The following KCNK13 variants were observed in gnomAD, a reference collection of about 807,000 sequenced individuals.
The protein encoded by KCNK13 is potassium two pore domain channel subfamily K member 13.
A neutral mutation model predicts 23.4 loss-of-function variants in KCNK13; 12 were observed. The ratio of observed to expected loss-of-function variants is 0.51; its 90% CI spans 0.33 to 0.83. KCNK13 has a LOEUF of 0.83. Ranked by LOEUF, KCNK13 falls within the 40% of genes least tolerant of loss-of-function variation. The pLI is 0.02. For missense variants in KCNK13, 463 were observed against 556.3 expected, an observed-to-expected ratio of 0.83 and a Z score of 1.69; for synonymous variants, 231 against 229.5, an observed-to-expected ratio of 1.01 and a Z score of -0.06.
intron 1 of KCNK13, among the ~76,000 whole-genome samples, chr14:90,129,545 C>T (rs1889842817): frequency 6.6e-6 from 1 of 152,088 alleles, no homozygotes; most frequent in Admixed American, 6.5e-5. Flanking sequence ...GAACCACGGT[C>T]TAAGGTCTAG....
At chr14:90,088,475 C>G (rs79373095) in intron 1 of KCNK13, among the ~76,000 whole-genome samples, 28,650 of 152,170 alleles carry the variant, frequency 0.19, 2,748 homozygotes, top group Middle Eastern at 0.24. Flanking sequence ...TGTGCACAGT[C>G]AGCTCTCAGG....
intron 1 of KCNK13, among the ~76,000 whole-genome samples, chr14:90,149,840 CA>C (rs1438949065): frequency 6.6e-6 from 1 of 152,154 alleles, no homozygotes; most frequent in Non-Finnish European, 1.5e-5. Context: ...TGGGAGAGGG[CA>C]AAAGATGATT....
chr14:90,093,218 T>C (rs1889369929), intron 1 of KCNK13, among the ~76,000 whole-genome samples: 1 of 152,172 alleles, frequency 6.6e-6, no homozygotes, highest in Non-Finnish European at 1.5e-5. Flanking sequence ...GCAGATCCGC[T>C]TGGCTCCAGG....
chr14:90,116,753 G>T (rs1035979619), intron 1 of KCNK13, among the ~76,000 whole-genome samples: 1 of 152,212 alleles, frequency 6.6e-6, no homozygotes, highest in African/African-American at 2.4e-5. Context: ...TGTCACAACT[G>T]CTCAGGAAAT....
intron 1 of KCNK13, among the ~76,000 whole-genome samples, chr14:90,079,249 A>T (rs888658602): frequency 1.3e-5 from 2 of 152,202 alleles, no homozygotes; most frequent in Non-Finnish European, 2.9e-5. Flanking sequence ...TCTAAGAAAC[A>T]GACTCTGGGC....
chr14:90,134,538 G>GAC (rs144795399), intron 1 of KCNK13, among the ~76,000 whole-genome samples: 18 of 152,020 alleles, frequency 1.2e-4, no homozygotes, highest in African/African-American at 3.6e-4. Flanking sequence ...GATGTTTGTA[G>GAC]ACACACACAC....
At chr14:90,138,013 CT>C (rs1214797367) in intron 1 of KCNK13, among the ~76,000 whole-genome samples, 2 of 152,178 alleles carry the variant, frequency 1.3e-5, no homozygotes, top group African/African-American at 4.8e-5. Flanking sequence ...TTGGCATCCT[CT>C]GACTTGAGTC....
chr14:90,117,893 T>C (rs561847760), intron 1 of KCNK13, among the ~76,000 whole-genome samples: 13 of 152,338 alleles, frequency 8.5e-5, no homozygotes, highest in South Asian at 2.1e-4. Flanking sequence ...TAGATTTATC[T>C]ATCCTAGACA....
chr14:90,087,167 A>C (rs752822229), intron 1 of KCNK13, among the ~76,000 whole-genome samples: 1 of 56,272 alleles, frequency 1.8e-5, no homozygotes, highest in Non-Finnish European at 4.2e-5. Context: ...TTTTTTTTTT[A>C]TTGAGATGGG....
At chr14:90,078,720 C>T (rs369049982) in intron 1 of KCNK13, among the ~76,000 whole-genome samples, 4 of 152,030 alleles carry the variant, frequency 2.6e-5, no homozygotes, top group Admixed American at 1.3e-4. Flanking sequence ...GGGTGAAGAC[C>T]GAGCTCCCGG....
At chr14:90,157,686 A>G (rs1190028292) in intron 1 of KCNK13, among the ~76,000 whole-genome samples, 1 of 132,552 alleles carries the variant, frequency 7.5e-6, no homozygotes, top group Non-Finnish European at 1.6e-5. Flanking sequence ...GGGCCACCAT[A>G]CCTGGCTTGG....
chr14:90,078,418 AAAAAAAAAAAAAG>A (rs1483741774), intron 1 of KCNK13, among the ~76,000 whole-genome samples: 7 of 139,600 alleles, frequency 5.0e-5, no homozygotes, highest in Non-Finnish European at 1.1e-4. Flanking sequence ...AGACAGTCTC[AAAAAAAAAAAAAG>A]AAAGAAAAAA....
At chr14:90,120,661 C>A (rs564361491) in intron 1 of KCNK13, among the ~76,000 whole-genome samples, 50 of 152,280 alleles carry the variant, frequency 3.3e-4, no homozygotes, top group Non-Finnish European at 4.4e-4. Flanking sequence ...CCACTGGGTC[C>A]CTCCCACGAT....
intron 1 of KCNK13, among the ~76,000 whole-genome samples, chr14:90,064,458 A>C (rs376130961): frequency 1.3e-5 from 2 of 152,142 alleles, no homozygotes; most frequent in South Asian, 2.1e-4. Flanking sequence ...TGGGGATACG[A>C]ATATGACAAT....
In KCNK13 at chr14:90,118,411, G is replaced by A. The variant is rs74777946; in HGVS notation, c.334+55872G>A. ...AGTTACAAGTATGTTCTTTTTCACA[G>A]TGCATACCCAAAATTCCAGGATTCT... On this transcript the variant is annotated intron_variant, in intron 1 of 1. Transcript: ENST00000282146. Among the ~76,000 whole-genome samples, 210 of 152,254 alleles carry A rather than the reference G, an allele frequency of 1.4e-3. 1 individual carries two copies. The highest frequency in any genetic ancestry group is 4.8e-3 in the African/African-American group (200 of 41,550).
chr14:90,184,057 C>G lies in KCNK13; in HGVS notation c.335-54C>G. The stretch of plus-strand genomic sequence containing the variant: ...CCAGCCATCAAAGCCAAGACCTAGA[C>G]CCCATTCACAGCAAAGATTTCTCTT... On this transcript the variant is annotated intron_variant, in intron 1 of 1. Coordinates refer to ENST00000282146, the MANE Select transcript of KCNK13 (RefSeq NM_022054.4). This position sits in a 1 kb window ranked among gnomAD's most constrained non-coding sequence, Gnocchi z 5.6. 1 of 1,521,440 alleles carries G rather than the reference C, an allele frequency of 6.6e-7. No homozygotes were observed. The highest frequency in any genetic ancestry group is 9.0e-7 in the Non-Finnish European group (1 of 1,113,308). The allele number at this position is 1,521,440 out of a possible 1,614,324, so 94.2% of individuals were successfully genotyped here. A position where few individuals can be genotyped will look rare whatever the true frequency, so the allele number is the denominator to read the frequency against.
At position 90,184,786 on chromosome 14, in the gene KCNK13, C is replaced by T. The variant is rs369684480; in HGVS notation, c.1010C>T (p.Thr337Met). 1.7e-5 allele frequency: 28 copies of T among 1,612,634 alleles called. No individual in the cohort carries two copies. In the East Asian group the frequency reaches 2.7e-4, roughly 15 times the overall value. ...ACAGACGGGGTGGCAGAGAGTGACA[C>T]GGACGGGCGCCGGCTCTCAGGGGAG... Reference protein sequence around the residue: ...IETDGVAESDTDGRRLSGEMI... With the variant: ...IETDGVAESDMDGRRLSGEMI... Residue 337 changes from threonine (T) to methionine (M), a missense_variant, in exon 2 of 2, where the codon ACG becomes ATG. Physicochemically the swap from Thr to Met is moderately conservative, Grantham distance 81 (BLOSUM62 -1). Around this residue, in one of 3 missense-constraint regions of KCNK13, gnomAD observed 166 missense variants for 178.8 expected, o/e 0.93. Transcript: ENST00000282146. This position sits in a 1 kb window ranked among gnomAD's most constrained non-coding sequence, Gnocchi z 5.6.
intron 1 of KCNK13, among the ~76,000 whole-genome samples, chr14:90,080,228 C>T (rs975733175): frequency 1.3e-5 from 2 of 152,106 alleles, no homozygotes; most frequent in South Asian, 4.2e-4. Context: ...CTGAGGCGGG[C>T]GCATCACCTG....
intron 1 of KCNK13, among the ~76,000 whole-genome samples, chr14:90,143,147 C>CTTTT (rs367843657): frequency 8.2e-5 from 2 of 24,348 alleles, no homozygotes; most frequent in Admixed American, 6.3e-4. Flanking sequence ...AGAGCAGAAA[C>CTTTT]TTTCTTTCTT....
Sources: allele counts gnomAD v4.1 joint callset (sites outside exome capture counted in the v4.1 genomes callset), GRCh38; gene constraint gnomAD v4.1.1; regional missense constraint gnomAD v4.1.1; non-coding constraint Gnocchi (gnomAD v3.1); transcripts MANE v1.5; gene names NCBI Gene and HGNC (gene_info 2026-07-23, HGNC 2026-07-21).